ADARB1: variants seen among roughly 807,000 people sequenced by gnomAD.
ADARB1 encodes the protein double-stranded RNA-specific editase 1.
In ADARB1, 10 loss-of-function variants were observed where a neutral mutation model predicts 52.4. That is an observed-to-expected ratio of 0.19 (90% CI 0.12 to 0.32). The LOEUF (loss-of-function observed/expected upper bound fraction) is 0.32, where lower values mean the gene tolerates loss of function less well. ADARB1 is among the 10% of genes least tolerant of loss of function. The pLI, the probability that ADARB1 is intolerant of heterozygous loss-of-function variation, is 1.00. For synonymous variants in ADARB1, 349 were observed against 371.1 expected (o/e 0.94, Z 0.68); for missense variants, 643 against 922.3 (o/e 0.70, Z 3.92).
chr21:45,201,441 T>C (rs1005182717), intron 8 of ADARB1, among the ~76,000 whole-genome samples: 3 of 152,228 alleles, frequency 2.0e-5, no homozygotes, highest in African/African-American at 7.2e-5. Flanking sequence ...CCAGAAGACC[T>C]AATTCAGCTT....
Position 45,224,009 on chromosome 21 carries a change from C to G in ADARB1, c.*1812C>G. On this transcript the variant is annotated 3_prime_UTR_variant, in exon 11 of 11. Transcript: ENST00000348831. Reference sequence around the variant, plus strand: ...TCCGTCACCACAGTGGGGTTTTGTTCAGGCAGATCGCGCTGGGGTTCTGCA... The same window carrying G: ...TCCGTCACCACAGTGGGGTTTTGTTGAGGCAGATCGCGCTGGGGTTCTGCA... 1 of 985,498 alleles carries G rather than the reference C, an allele frequency of 1.0e-6. No homozygotes were observed. Among genetic ancestry groups the G allele is most frequent in the South Asian group, 4.7e-5 (1 of 21,282 alleles). 61.0% of individuals were successfully genotyped at this position (985,498 alleles called of 1,614,324 possible).
rs149913709 is a variant in ADARB1, at chr21:45,190,366, A to G, written c.1565+5275A>G. On this transcript the variant is annotated intron_variant, in intron 8 of 10. Coordinates refer to ENST00000348831, the MANE Select transcript of ADARB1 (RefSeq NM_001112.4). The stretch of plus-strand genomic sequence containing the variant: ...TTTTTCTTATTTTGTTTAGTTGTCT[A>G]TGTTCTCTTCTAGCTCATTAGGCAT... 2.1e-3 allele frequency among the ~76,000 whole-genome samples: 317 copies of G among 152,160 alleles called. 1 individual carries two copies. The highest frequency in any genetic ancestry group is 7.2e-3 in the African/African-American group (300 of 41,518).
intron 2 of ADARB1, chr21:45,144,886 G>A (rs958665899): frequency 1.4e-5 from 3 of 212,546 alleles, no homozygotes; most frequent in Non-Finnish European, 2.9e-5. Flanking sequence ...CATTTTTGAT[G>A]TTAGGAAGAT....
rs932786706 is a variant in ADARB1 at position 45,157,823 on chromosome 21, A to G, written c.-47-13787A>G. ...AGGGACCTAGGTTTCTTCCATCCTTAAGCTCTGTTCTCTAACAGAAGTCAC... is the reference window on the plus strand; with the variant it reads ...AGGGACCTAGGTTTCTTCCATCCTTGAGCTCTGTTCTCTAACAGAAGTCAC... On this transcript the variant is annotated intron_variant, in intron 2 of 10. Coordinates refer to ENST00000348831, the MANE Select transcript of ADARB1 (RefSeq NM_001112.4). This position sits in a 1 kb window ranked among gnomAD's most constrained non-coding sequence, Gnocchi z 4.1. Among the ~76,000 whole-genome samples the G allele has an allele frequency of 6.6e-6, 1 of 152,172 alleles. No individual in the cohort carries two copies. The highest frequency in any genetic ancestry group is 2.4e-5 in the African/African-American group (1 of 41,440).
rs144391603 is a variant in ADARB1, at chr21:45,147,443, G to T, written c.-48+18870G>T. Among the ~76,000 whole-genome samples, 715 of 152,324 alleles carry T rather than the reference G, an allele frequency of 4.7e-3. 4 individuals carry two copies. The highest frequency in any genetic ancestry group is 7.9e-3 in the Admixed American group (121 of 15,300). On this transcript the variant is annotated intron_variant, in intron 2 of 10. Transcript: ENST00000348831. ...TTTAACAGGAGATCCCGAACTCCCA[G>T]CAGGGAGCTAAGCACAGATGTGTGC... is the stretch of plus-strand genomic sequence containing the variant.
At chr21:45,106,984 A>G (rs1333868560) in intron 1 of ADARB1, among the ~76,000 whole-genome samples, 1 of 152,262 alleles carries the variant, frequency 6.6e-6, no homozygotes, top group East Asian at 1.9e-4. Flanking sequence ...AAAAGAAGAA[A>G]TAAAACTACC....
At chr21:45,110,696 G>T (rs896012430) in intron 1 of ADARB1, among the ~76,000 whole-genome samples, 5 of 152,128 alleles carry the variant, frequency 3.3e-5, no homozygotes, top group Non-Finnish European at 7.3e-5. Flanking sequence ...AGTTATAGTT[G>T]CTGTCAGGAT....
intron 9 of ADARB1, among the ~76,000 whole-genome samples, chr21:45,217,787 A>G (rs1415892688): frequency 2.0e-5 from 3 of 152,130 alleles, no homozygotes; most frequent in Non-Finnish European, 4.4e-5. Flanking sequence ...TGTCTGGGAA[A>G]GTATTTTGCT....
intron 1 of ADARB1, among the ~76,000 whole-genome samples, chr21:45,080,099 G>T (rs1312526224): frequency 6.6e-6 from 1 of 152,192 alleles, no homozygotes; most frequent in African/African-American, 2.4e-5. Context: ...TTGATAAGAG[G>T]TGGTTGTGAG....
intron 8 of ADARB1, among the ~76,000 whole-genome samples, chr21:45,189,622 G>A (rs2092223004): frequency 6.6e-6 from 1 of 152,104 alleles, no homozygotes; most frequent in Non-Finnish European, 1.5e-5. Context: ...TTGTAAAGCA[G>A]GCTAGTGGTA....
At chr21:45,110,976 T>G (rs1484906142) in intron 1 of ADARB1, among the ~76,000 whole-genome samples, 1 of 152,154 alleles carries the variant, frequency 6.6e-6, no homozygotes. Context: ...TCGAGAGGGC[T>G]GGGGTGCTCC....
At chr21:45,215,234 G>T (rs754605265) in intron 9 of ADARB1, among the ~76,000 whole-genome samples, 1 of 152,012 alleles carries the variant, frequency 6.6e-6, no homozygotes, top group African/African-American at 2.4e-5. Flanking sequence ...TTTTTATAGA[G>T]ACAATGTCTT....
intron 8 of ADARB1, among the ~76,000 whole-genome samples, chr21:45,201,200 G>T (rs2092546966): frequency 6.6e-6 from 1 of 152,180 alleles, no homozygotes; most frequent in Admixed American, 6.5e-5. Context: ...TTGCATGGAC[G>T]CTGACTGTGT....
chr21:45,174,176 C>T (rs2091596113), intron 3 of ADARB1, among the ~76,000 whole-genome samples: 1 of 152,210 alleles, frequency 6.6e-6, no homozygotes, highest in Non-Finnish European at 1.5e-5. Context: ...CCATATGGGG[C>T]ACTCGTAAAT....
chr21:45,117,662 C>T (rs1184687557), intron 1 of ADARB1, among the ~76,000 whole-genome samples: 1 of 152,022 alleles, frequency 6.6e-6, no homozygotes, highest in South Asian at 2.1e-4. Context: ...ACATATTATT[C>T]TGTCCTATAG....
At chr21:45,211,342 C>G (rs2092765094) in intron 9 of ADARB1, among the ~76,000 whole-genome samples, 1 of 152,222 alleles carries the variant, frequency 6.6e-6, no homozygotes, top group African/African-American at 2.4e-5. Context: ...CTGTATCATC[C>G]TCACTGGGGG....
intron 2 of ADARB1, among the ~76,000 whole-genome samples, chr21:45,170,758 A>G (rs965974225): frequency 6.6e-6 from 1 of 152,102 alleles, no homozygotes; most frequent in Non-Finnish European, 1.5e-5. Flanking sequence ...TTTTTCCTCA[A>G]TTGCAATTTG....
Position 45,204,941 on chromosome 21 carries a change from A to G in ADARB1, c.1747+205A>G, listed in dbSNP as rs2092637451. Among the ~76,000 whole-genome samples the G allele has an allele frequency of 1.3e-5, 2 of 152,104 alleles. No homozygotes were observed. Among genetic ancestry groups the G allele is most frequent in the Non-Finnish European group, 2.9e-5 (2 of 68,028 alleles). On this transcript the variant is annotated intron_variant, in intron 9 of 10. Transcript: ENST00000348831. The surrounding 1 kb of genome is among the most constrained non-coding windows in gnomAD (Gnocchi z 4.4). ...TTTAAGTGAGTCTCTCTGTAAGATT[A>G]ATCTCCTTTACCAATCACAAACCTA...
chr21:45,195,360 T>G (rs1290131131), intron 8 of ADARB1, among the ~76,000 whole-genome samples: 1 of 152,202 alleles, frequency 6.6e-6, no homozygotes, highest in East Asian at 1.9e-4. Flanking sequence ...GTCTGTGGCT[T>G]GTCTTTTCAC....
Sources: allele counts gnomAD v4.1 joint callset (sites outside exome capture counted in the v4.1 genomes callset), GRCh38; gene constraint gnomAD v4.1.1; non-coding constraint Gnocchi (gnomAD v3.1); transcripts MANE v1.5; gene names NCBI Gene and HGNC (gene_info 2026-07-23, HGNC 2026-07-21).